Variants in SNTB1 observed in about 807,000 individuals in gnomAD.
The protein encoded by SNTB1 is beta-1-syntrophin.
A neutral mutation model predicts 48.9 loss-of-function variants in SNTB1; 36 were observed. That is an observed-to-expected ratio of 0.74 (90% confidence interval 0.56 to 0.97). The LOEUF is 0.97. Among genes scored for constraint, SNTB1 ranks in the 50% least tolerant of loss-of-function variants. The pLI, the probability that SNTB1 is intolerant of heterozygous loss-of-function variation, is 0.00. For missense variants in SNTB1, 786 were observed against 703.4 expected (o/e 1.12, Z -1.33); for synonymous variants, 299 against 294.6 (o/e 1.01, Z -0.15).
chr8:120,585,391 C>A lies in SNTB1; in HGVS notation c.997-10166G>T, dbSNP rs550689312. 1.1e-4 allele frequency among the ~76,000 whole-genome samples: 16 copies of A among 152,286 alleles called. No individual in the cohort carries two copies. In the South Asian group the frequency reaches 2.5e-3, roughly 24 times the overall value. ...CTCTTCTTTCTGTCGTTCTTTCCTG[C>A]CTCCTGGCATGTGAGGCTTCACTCA... On this transcript the variant is annotated intron_variant, in intron 3 of 6. Coordinates refer to ENST00000517992, the MANE Select transcript of SNTB1 (RefSeq NM_021021.4).
At chr8:120,543,296 G>T (rs192017877) in intron 5 of SNTB1, among the ~76,000 whole-genome samples, 1 of 152,250 alleles carries the variant, frequency 6.6e-6, no homozygotes, top group East Asian at 1.9e-4. Flanking sequence ...CAAGTAAATT[G>T]GCTCAGGTTT....
intron 1 of SNTB1, among the ~76,000 whole-genome samples, chr8:120,717,382 G>T (rs1173190216): frequency 6.6e-6 from 1 of 152,212 alleles, no homozygotes; most frequent in African/African-American, 2.4e-5. Context: ...AGAACACAGA[G>T]CCCTTTGCAG....
At chr8:120,636,032 G>T (rs2129649409) in intron 2 of SNTB1, 3 of 983,512 alleles carry the variant, frequency 3.1e-6, no homozygotes, top group Non-Finnish European at 4.1e-6. Flanking sequence ...TGGCTACTGA[G>T]TTCTAAAGAA....
chr8:120,669,090 T>A (rs557669059), intron 2 of SNTB1, among the ~76,000 whole-genome samples: 1 of 152,218 alleles, frequency 6.6e-6, no homozygotes, highest in Non-Finnish European at 1.5e-5. Flanking sequence ...AGCTTTGAGA[T>A]GAGCATTTCA....
chr8:120,627,469 G>C (rs943061776), intron 3 of SNTB1, among the ~76,000 whole-genome samples: 1 of 152,146 alleles, frequency 6.6e-6, no homozygotes, highest in African/African-American at 2.4e-5. Context: ...CTCTGTGGAA[G>C]ATAAAAGAAG....
intron 3 of SNTB1, among the ~76,000 whole-genome samples, chr8:120,585,347 G>A (rs561876733): frequency 6.6e-6 from 1 of 152,292 alleles, no homozygotes; most frequent in Non-Finnish European, 1.5e-5. Flanking sequence ...TGTGCAGCAG[G>A]CCATGCTTCT....
intron 1 of SNTB1, among the ~76,000 whole-genome samples, chr8:120,727,777 T>C (rs1818785177): frequency 6.6e-6 from 1 of 152,186 alleles, no homozygotes; most frequent in African/African-American, 2.4e-5. Flanking sequence ...GTTCATTGAT[T>C]GCTGGGCTAA....
rs189358469 is a variant in SNTB1 at position 120,716,397 on chromosome 8, C to T, written c.572-22489G>A. 9.2e-5 allele frequency among the ~76,000 whole-genome samples: 14 copies of T among 152,310 alleles called. No individual in the cohort carries two copies. In the East Asian group the frequency reaches 2.7e-3, roughly 29 times the overall value. On this transcript the variant is annotated intron_variant, in intron 1 of 6. Transcript: ENST00000517992. ...ATAATAAAATGTTATTTTCTTCACA[C>T]AGCCACACACAAAACAAAACTGATT...
intron 1 of SNTB1, among the ~76,000 whole-genome samples, chr8:120,806,553 G>T (rs1422890821): frequency 6.6e-6 from 1 of 152,132 alleles, no homozygotes; most frequent in Non-Finnish European, 1.5e-5. Flanking sequence ...GTAGAGTTAG[G>T]CTATGTTATT....
intron 2 of SNTB1, chr8:120,637,645 G>T: frequency 3.3e-6 from 1 of 299,980 alleles, no homozygotes; most frequent in Non-Finnish European, 6.6e-6. Flanking sequence ...CTTACTATAG[G>T]GTAAACATTT....
chr8:120,644,623 G>A (rs1369169522), intron 2 of SNTB1, among the ~76,000 whole-genome samples: 7 of 152,004 alleles, frequency 4.6e-5, no homozygotes. Context: ...CAATAAACAT[G>A]CGTGTGCATG....
intron 3 of SNTB1, among the ~76,000 whole-genome samples, chr8:120,586,513 A>G (rs919913755): frequency 6.6e-6 from 1 of 152,014 alleles, no homozygotes; most frequent in Non-Finnish European, 1.5e-5. Context: ...TGTTTCTGTC[A>G]CCACGTCACC....
chr8:120,599,073 C>T (rs907773901), intron 3 of SNTB1, among the ~76,000 whole-genome samples: 19 of 152,142 alleles, frequency 1.2e-4, no homozygotes, highest in African/African-American at 4.6e-4. Flanking sequence ...GATATGTTTA[C>T]AGGCCATTAT....
chr8:120,564,960 G>T (rs1456692367), intron 4 of SNTB1, among the ~76,000 whole-genome samples: 1 of 152,152 alleles, frequency 6.6e-6, no homozygotes, highest in East Asian at 1.9e-4. Context: ...GGGCAAAACT[G>T]CAGTGTGCAC....
rs1034962326 is a variant in SNTB1 at position 120,793,395 on chromosome 8, C to T, written c.571+17878G>A. Among the ~76,000 whole-genome samples the T allele has an allele frequency of 1.1e-4, 17 of 152,184 alleles. No homozygotes were observed. The East Asian group carries it at 1.5e-3, about 14-fold the overall frequency. ...AGCAAGTTTTCTGAAACATTAAATA[C>T]GATAACCTCCTGGTGGATTTTTCCA... is the stretch of plus-strand genomic sequence containing the variant. On this transcript the variant is annotated intron_variant, in intron 1 of 6. Coordinates refer to ENST00000517992, the MANE Select transcript of SNTB1 (RefSeq NM_021021.4).
At chr8:120,788,991 C>T (rs745470618) in intron 1 of SNTB1, among the ~76,000 whole-genome samples, 6 of 151,890 alleles carry the variant, frequency 4.0e-5, no homozygotes, top group Non-Finnish European at 5.9e-5. Context: ...ATATGATAGG[C>T]CACAAAACAA....
intron 5 of SNTB1, among the ~76,000 whole-genome samples, chr8:120,545,550 C>CTG (rs58661196): frequency 0.32 from 48,332 of 151,816 alleles, 9,711 homozygotes; most frequent in African/African-American, 0.58. Flanking sequence ...AAAAATGAAA[C>CTG]AAAATAAAAT....
At chr8:120,743,259 T>C (rs1399865916) in intron 1 of SNTB1, among the ~76,000 whole-genome samples, 1 of 152,236 alleles carries the variant, frequency 6.6e-6, no homozygotes, top group African/African-American at 2.4e-5. Flanking sequence ...ACAGATCTCA[T>C]AGACTGGCTG....
chr8:120,636,892 A>G (rs1170558669), intron 2 of SNTB1: 2 of 245,986 alleles, frequency 8.1e-6, no homozygotes, highest in Admixed American at 4.2e-5. Context: ...GCTTTTATAG[A>G]GACCCGAATT....
Sources: gnomAD v4.1 joint callset for allele counts (sites outside exome capture counted in the v4.1 genomes callset) on GRCh38, gnomAD v4.1.1 for gene constraint, MANE v1.5 for transcripts, NCBI Gene and HGNC (gene_info 2026-07-23, HGNC 2026-07-21) for gene names.